DNAH8: variants seen among roughly 807,000 people sequenced by gnomAD.
DNAH8 encodes the protein dynein axonemal heavy chain 8, also known as axonemal beta dynein heavy chain 8.
In DNAH8, 382 loss-of-function variants were observed where a neutral mutation model predicts 562.1. That is an observed-to-expected ratio of 0.68 (90% CI 0.63 to 0.74). DNAH8 has a LOEUF of 0.74. DNAH8 is among the 30% of genes least tolerant of loss of function. The probability of loss-of-function intolerance (pLI) is 0.00; values close to 1 mark genes in which losing one functional copy is unlikely to be tolerated. For missense variants in DNAH8, 5,203 were observed against 5,620.4 expected (o/e 0.93, Z 2.37); for synonymous variants, 1,881 against 1,919.4 (o/e 0.98, Z 0.52).
intron 8 of DNAH8, among the ~76,000 whole-genome samples, chr6:38,745,309 C>G (rs1764836759): frequency 6.6e-6 from 1 of 152,144 alleles, no homozygotes; most frequent in Admixed American, 6.5e-5. Flanking sequence ...CATGTTTTCT[C>G]CCTTCATCCA....
intron 69 of DNAH8, 143 bp downstream of exon 69, chr6:38,917,549 A>C: frequency 1.4e-6 from 1 of 715,906 alleles, no homozygotes; most frequent in Non-Finnish European, 2.3e-6. Flanking sequence ...ATCACCTAAA[A>C]TGTAAAGAGG....
At chr6:38,734,755 C>A in intron 5 of DNAH8, 130 bp downstream of exon 5, 1 of 1,008,752 alleles carries the variant, frequency 9.9e-7, no homozygotes, top group South Asian at 2.0e-5. Flanking sequence ...TAAATGTATT[C>A]ATATATTAAA....
chr6:38,747,314 C>G (rs973924046), intron 8 of DNAH8, among the ~76,000 whole-genome samples: 1 of 151,806 alleles, frequency 6.6e-6, no homozygotes, highest in Admixed American at 6.6e-5. Context: ...ACCTCTTGAG[C>G]TAGCATTCTT....
rs1308935908 is a variant in DNAH8, at chr6:38,874,119, CCTT to C, written c.7620+746_7620+748del. Among the ~76,000 whole-genome samples, 8 of 49,498 alleles carry C rather than the reference CCTT, an allele frequency of 1.6e-4. 1 individual carries two copies. The highest frequency in any genetic ancestry group is 5.2e-4 in the African/African-American group (8 of 15,254). The allele number at this position is 49,498 out of a possible 152,430, so 32.5% of individuals were successfully genotyped here. On this transcript the variant is annotated intron_variant, in intron 52 of 92. Coordinates refer to ENST00000327475, the MANE Select transcript of DNAH8 (RefSeq NM_001206927.2). ...TTCTCTTTCTCCTTCCTTCCTTCCT[CCTT>C]CTCTCTTTCTTTCTTTCTCTTTCTC...
At chr6:38,866,474 A>G in intron 45 of DNAH8, 117 bp from the exon 46 acceptor site, 2 of 691,068 alleles carry the variant, frequency 2.9e-6, no homozygotes, top group South Asian at 2.1e-5. Flanking sequence ...AGAGTATTTT[A>G]TGAATCTAAT....
chr6:38,734,335 C>CCAAAA, intron 4 of DNAH8, 139 bp from the exon 5 acceptor site: 2 of 557,574 alleles, frequency 3.6e-6, no homozygotes, highest in Non-Finnish European at 5.3e-6. Context: ...GACCCCCCCC[C>CCAAAA]AAAAAAATTA....
intron 16 of DNAH8, 64 bp downstream of exon 16, chr6:38,781,437 A>G: frequency 2.8e-5 from 32 of 1,141,766 alleles, no homozygotes; most frequent in Non-Finnish European, 4.0e-5. Flanking sequence ...AATATATCAT[A>G]TCCTATAATA....
At chr6:38,808,741 C>T (rs541004665) in intron 24 of DNAH8, among the ~76,000 whole-genome samples, 4 of 152,114 alleles carry the variant, frequency 2.6e-5, no homozygotes, top group South Asian at 2.1e-4. Flanking sequence ...ACATATATAC[C>T]GTGGAATACT....
rs56284095 is a variant in DNAH8 at position 38,730,063 on chromosome 6, A to G, written c.610+77A>G. The G allele has an allele frequency of 0.2, 137,744 of 683,120 alleles. 15,845 individuals carry two copies. The highest frequency in any genetic ancestry group is 0.25 in the Non-Finnish European group (96,900 of 388,516). 42.3% of individuals were successfully genotyped at this position (683,120 alleles called of 1,614,324 possible). On this transcript the variant is annotated intron_variant, in intron 4 of 92. Coordinates refer to ENST00000327475, the MANE Select transcript of DNAH8 (RefSeq NM_001206927.2). Reference sequence around the variant, plus strand: ...GTGCAGCATATTTTTTCTCTTATACATAGATAATCCTTTATTTATAAAGAA... The same window carrying G: ...GTGCAGCATATTTTTTCTCTTATACGTAGATAATCCTTTATTTATAAAGAA...
At chr6:38,818,841 T>C (rs1206657562) in intron 26 of DNAH8, among the ~76,000 whole-genome samples, 3 of 152,244 alleles carry the variant, frequency 2.0e-5, no homozygotes, top group South Asian at 4.1e-4. Context: ...TGCTCTACAC[T>C]CATTGCTCTG....
At chr6:38,808,579 C>A (rs1771509679) in intron 24 of DNAH8, among the ~76,000 whole-genome samples, 1 of 152,186 alleles carries the variant, frequency 6.6e-6, no homozygotes, top group Non-Finnish European at 1.5e-5. Flanking sequence ...ACCCAGCAAT[C>A]CCATTACTGG....
At chr6:38,719,598 A>G (rs973346983) in intron 1 of DNAH8, among the ~76,000 whole-genome samples, 1 of 152,040 alleles carries the variant, frequency 6.6e-6, no homozygotes, top group African/African-American at 2.4e-5. Flanking sequence ...CATGGTATAT[A>G]TTTCTTCATC....
At chr6:38,720,593 G>C (rs191419261) in intron 1 of DNAH8, among the ~76,000 whole-genome samples, 1 of 152,254 alleles carries the variant, frequency 6.6e-6, no homozygotes, top group Admixed American at 6.5e-5. Flanking sequence ...AAATTGTAAA[G>C]ACTCTCTAAG....
chr6:38,872,798 C>T lies in DNAH8; in HGVS notation c.7237+16C>T, dbSNP rs748581206. ...GCTAAAAAAGGTATACACAAACCTC[C>T]TTTGTGATCATTTTTTCCCTGCTAG... On this transcript the variant is annotated intron_variant, in intron 50 of 92. Transcript: ENST00000327475. 25 of 1,612,802 alleles carry T rather than the reference C, an allele frequency of 1.6e-5. No homozygotes were observed. The highest frequency in any genetic ancestry group is 4.0e-5 in the African/African-American group (3 of 74,782).
chr6:39,029,835 C>G (rs977531173), intron 92 of DNAH8, among the ~76,000 whole-genome samples: 1 of 152,174 alleles, frequency 6.6e-6, no homozygotes, highest in Non-Finnish European at 1.5e-5. Flanking sequence ...GTGCTACCGG[C>G]TAAGCCTGTT....
intron 35 of DNAH8, among the ~76,000 whole-genome samples, chr6:38,844,277 T>C (rs1161193475): frequency 6.6e-6 from 1 of 152,230 alleles, no homozygotes; most frequent in South Asian, 2.1e-4. Flanking sequence ...CCACTTTTGG[T>C]TCATGGATAT....
At chr6:38,894,418 T>C (rs1016910069) in intron 58 of DNAH8, among the ~76,000 whole-genome samples, 7 of 152,224 alleles carry the variant, frequency 4.6e-5, no homozygotes, top group East Asian at 1.9e-4. Flanking sequence ...GGGAGGTGAC[T>C]TGTTCAAAGC....
rs1254302655 is a variant in DNAH8 at position 38,741,761 on chromosome 6, A to G, written c.1167A>G (p.Pro389=). The G allele has an allele frequency of 6.2e-7, 1 of 1,613,888 alleles. No individual in the cohort carries two copies. Among genetic ancestry groups the G allele is most frequent in the African/African-American group, 1.3e-5 (1 of 74,908 alleles). The part of the protein sequence containing the change: ...QMRKEAGDSG[P]LTELEHWKRM... ...GAAAAGAAGCTGGTGATTCAGGTCC[A>G]CTCACTGAATTGGAACACTGGAAAC... The change falls in exon 8 of 93, where the codon CCA becomes CCG. Residue 389 remains proline, a synonymous_variant. Transcript: ENST00000327475.
At chr6:38,810,654 G>A (rs1771714630) in intron 24 of DNAH8, among the ~76,000 whole-genome samples, 1 of 151,726 alleles carries the variant, frequency 6.6e-6, no homozygotes. Flanking sequence ...TCTTATTTCT[G>A]ACTACAAGGG....
Sources: gnomAD v4.1 joint callset for allele counts (sites outside exome capture counted in the v4.1 genomes callset) on GRCh38, gnomAD v4.1.1 for gene constraint, MANE v1.5 for transcripts, NCBI Gene and HGNC (gene_info 2026-07-23, HGNC 2026-07-21) for gene names.